Variants in DOP1B observed in about 807,000 individuals in gnomAD.
DOP1B encodes protein DOP1B.
In DOP1B, 174 loss-of-function variants were observed where a neutral mutation model predicts 233.5. The ratio of observed to expected loss-of-function variants is 0.75; its 90% confidence interval spans 0.66 to 0.85. DOP1B has a LOEUF of 0.85. Among genes scored for constraint, DOP1B ranks in the 40% least tolerant of loss-of-function variants. DOP1B has a pLI of 0.00. For missense variants in DOP1B, 2,652 were observed against 2,846.6 expected, an observed-to-expected ratio of 0.93 and a Z score of 1.56; for synonymous variants, 1,190 against 1,185.6, an observed-to-expected ratio of 1.00 and a Z score of -0.08.
In DOP1B at chr21:36,278,725, C is replaced by T. The variant is rs573616677; in HGVS notation, c.5969+370C>T. On this transcript the variant is annotated intron_variant, in intron 30 of 36. Coordinates refer to ENST00000691173, the MANE Select transcript of DOP1B (RefSeq NM_001320714.2). Reference sequence around the variant, plus strand: ...TCTACAAAAAAATTCAAAAATTAGCCGGGCATGGCAGCGCACACCTGTAGT... The same window carrying T: ...TCTACAAAAAAATTCAAAAATTAGCTGGGCATGGCAGCGCACACCTGTAGT... Among the ~76,000 whole-genome samples the T allele has an allele frequency of 5.1e-4, 78 of 151,966 alleles. No homozygotes were observed. The East Asian group carries it at 0.013, about 25-fold the overall frequency.
intron 22 of DOP1B, among the ~76,000 whole-genome samples, chr21:36,251,555 A>AATTAT (rs1206428383): frequency 6.6e-6 from 1 of 151,984 alleles, no homozygotes; most frequent in African/African-American, 2.4e-5. Context: ...ATGTAACTGG[A>AATTAT]ATTATAGGTG....
intron 11 of DOP1B, among the ~76,000 whole-genome samples, chr21:36,224,434 C>G (rs773691561): frequency 1.3e-5 from 2 of 152,024 alleles, no homozygotes; most frequent in African/African-American, 4.8e-5. Context: ...CCCGCCTTGG[C>G]CTCCCAAATT....
rs369655282 is a variant in DOP1B, at chr21:36,237,324, C to T, written c.2685C>T (p.Cys895=). 2.6e-4 allele frequency: 420 copies of T among 1,614,070 alleles called. 2 individuals carry two copies. The highest frequency in any genetic ancestry group is 4.0e-4 in the East Asian group (18 of 44,886). The change falls in exon 16 of 37, where the codon TGC becomes TGT. Residue 895 remains cysteine, a synonymous_variant. Transcript: ENST00000691173. ...NKETREHHVT[C]VELFYRLHCL... is the part of the protein sequence containing the mutation. ...AGACCCGGGAGCATCACGTCACCTG[C>T]GTAGAATTGTTCTACCGGCTGCACT...
intron 2 of DOP1B, chr21:36,169,135 T>A (rs768239789): frequency 5.5e-6 from 5 of 905,634 alleles, no homozygotes; most frequent in Non-Finnish European, 9.1e-6. Context: ...CCAGCAAAGA[T>A]GTGCAGAGAA....
chr21:36,243,330 A>G (rs924346256), intron 18 of DOP1B, among the ~76,000 whole-genome samples: 4 of 151,444 alleles, frequency 2.6e-5, no homozygotes, highest in African/African-American at 9.7e-5. Context: ...TGGCAATATC[A>G]AAGACTTTTG....
chr21:36,243,264 G>A (rs1398899389), intron 18 of DOP1B, among the ~76,000 whole-genome samples: 1 of 151,856 alleles, frequency 6.6e-6, no homozygotes, highest in Non-Finnish European at 1.5e-5. Flanking sequence ...ACAGGTATGA[G>A]CTACCATGCC....
chr21:36,169,455 T>C, intron 2 of DOP1B: 1 of 1,080,494 alleles, frequency 9.3e-7, no homozygotes, highest in Non-Finnish European at 1.4e-6. Context: ...CGGTGGGTCT[T>C]GTGGGGCAGC....
At chr21:36,277,152 ATTGTTGCAAAGACAT>A in intron 28 of DOP1B, 52 bp downstream of exon 28, 1 of 1,582,318 alleles carries the variant, frequency 6.3e-7, no homozygotes. Flanking sequence ...GCCATCACGA[ATTGTTGCAAAGACAT>A]TTGTTCATTC....
At position 36,239,932 on chromosome 21, in the gene DOP1B, G is replaced by A. The variant is rs2066874399; in HGVS notation, c.3044G>A (p.Cys1015Tyr). Reference protein sequence around the residue: ...QPKTQRTSIHCLKQENSADDL... With the variant: ...QPKTQRTSIHYLKQENSADDL... ...AAAACCCAGAGAACCTCCATCCACT[G>A]CCTCAAGCAGGAGAACTCGGCCGGT... Residue 1015 changes from cysteine (C) to tyrosine (Y), a missense_variant, in exon 18 of 37, where the codon TGC becomes TAC. Cys to Tyr is a radical substitution (Grantham distance 194). Around this residue, in one of 3 missense-constraint regions of DOP1B, gnomAD observed 2,617 missense variants for 2,794.3 expected, o/e 0.94. Coordinates refer to ENST00000691173, the MANE Select transcript of DOP1B (RefSeq NM_001320714.2). The A allele has an allele frequency of 6.2e-7, 1 of 1,610,440 alleles. No homozygotes were observed. The highest frequency in any genetic ancestry group is 8.5e-7 in the Non-Finnish European group (1 of 1,179,514).
Position 36,230,458 on chromosome 21 carries a change from A to G in DOP1B, c.1674A>G (p.Val558=). 1 of 1,607,456 alleles carries G rather than the reference A, an allele frequency of 6.2e-7. No individual in the cohort carries two copies. The highest frequency in any genetic ancestry group is 1.7e-4 in the Middle Eastern group (1 of 6,038). ...CTTTTTATTTTTTACAGAGTCCAGT[A>G]AAAGGTGAAAACGGCAAAATAATTT... ...TESTSGTSSP[V]KGENGKIILE... is the part of the protein sequence containing the mutation. Residue 558 remains valine, a synonymous_variant, in exon 14 of 37, where the codon GTA becomes GTG. Coordinates refer to ENST00000691173, the MANE Select transcript of DOP1B (RefSeq NM_001320714.2).
intron 24 of DOP1B, chr21:36,261,542 A>G: frequency 2.0e-6 from 2 of 985,444 alleles, no homozygotes; most frequent in East Asian, 2.3e-4. Context: ...TGGATGAAAA[A>G]GAAGCTTTAC....
chr21:36,255,949 G>A (rs76988635), intron 23 of DOP1B, among the ~76,000 whole-genome samples: 12,487 of 152,116 alleles, frequency 0.082, 928 homozygotes, highest in African/African-American at 0.2. Context: ...ATACACGGTG[G>A]ATTTAAAACA....
intron 15 of DOP1B, 113 bp from the exon 16 acceptor site, chr21:36,237,149 G>A: frequency 7.3e-7 from 1 of 1,377,456 alleles, no homozygotes; most frequent in Non-Finnish European, 1.0e-6. Flanking sequence ...TTCTCACATG[G>A]CAAGTATAGG....
intron 4 of DOP1B, among the ~76,000 whole-genome samples, chr21:36,201,830 TTG>T (rs141533181): frequency 0.084 from 12,604 of 149,844 alleles, 731 homozygotes; most frequent in African/African-American, 0.16. Context: ...TCATGTAGCT[TTG>T]TGTGTGTGTG....
intron 9 of DOP1B, among the ~76,000 whole-genome samples, chr21:36,215,461 C>T (rs975518863): frequency 1.3e-5 from 2 of 151,962 alleles, no homozygotes; most frequent in Non-Finnish European, 2.9e-5. Context: ...AGTGCAGTGG[C>T]GCAATCTCGG....
At position 36,247,654 on chromosome 21, in the gene DOP1B, A is replaced by C. The variant is rs775966323; in HGVS notation, c.4809+26A>C. 56 of 1,508,066 alleles carry C rather than the reference A, an allele frequency of 3.7e-5. No individual in the cohort carries two copies. In the South Asian group the frequency reaches 5.9e-4, roughly 16 times the overall value. The allele number at this position is 1,508,066 out of a possible 1,614,324, so 93.4% of individuals were successfully genotyped here. ...GTAAATTTTTTTTTTTCCTGAGTTC[A>C]AGGCAATTTTCATGTATTGTTTTGT... On this transcript the variant is annotated intron_variant, in intron 20 of 36. Transcript: ENST00000691173.
chr21:36,194,367 AATG>A (rs2066264792), intron 2 of DOP1B, among the ~76,000 whole-genome samples: 1 of 152,146 alleles, frequency 6.6e-6, no homozygotes. Context: ...GGGTGAAGAA[AATG>A]ATATTTCACT....
Position 36,253,804 on chromosome 21 carries a change from C to T in DOP1B, c.5154C>T (p.Thr1718=). 1 of 1,613,766 alleles carries T rather than the reference C, an allele frequency of 6.2e-7. No homozygotes were observed. Among genetic ancestry groups the T allele is most frequent in the Non-Finnish European group, 8.5e-7 (1 of 1,179,868 alleles). The change falls in exon 23 of 37, where the codon ACC becomes ACT. Residue 1718 remains threonine, a synonymous_variant. Transcript: ENST00000691173. ...CAACGGCAAGTGCATCCCAGCTAAC[C>T]CTTGTCGACTTGGTGTGTGCACTCA... ...IIPTASASQL[T]LVDLVCALST... is the part of the protein sequence containing the mutation.
At chr21:36,193,966 CTT>C (rs778046941) in intron 2 of DOP1B, among the ~76,000 whole-genome samples, 32 of 152,294 alleles carry the variant, frequency 2.1e-4, no homozygotes, top group Non-Finnish European at 4.0e-4. Context: ...CATGGTAACT[CTT>C]TATGCTTGTA....
Sources: gnomAD v4.1 joint callset for allele counts (sites outside exome capture counted in the v4.1 genomes callset) on GRCh38, gnomAD v4.1.1 for gene constraint, gnomAD v4.1.1 regional missense constraint, MANE v1.5 for transcripts, NCBI Gene and HGNC (gene_info 2026-07-23, HGNC 2026-07-21) for gene names.